The following RUFY1 variants were observed in gnomAD, a reference collection of about 807,000 sequenced individuals.
RUFY1 encodes the protein RUN and FYVE domain containing 1.
RUFY1 carries 54 observed loss-of-function variants against 94.6 expected under a neutral mutation model. That is an observed-to-expected ratio of 0.57 (90% CI 0.46 to 0.72). RUFY1 has a LOEUF of 0.72. Among genes scored for constraint, RUFY1 ranks in the 30% least tolerant of loss-of-function variants. The probability of loss-of-function intolerance (pLI) is 0.00; values close to 1 mark genes in which losing one functional copy is unlikely to be tolerated. For synonymous variants in RUFY1, 396 were observed against 347.3 expected (o/e 1.14, Z -1.56); for missense variants, 883 against 883.9 (o/e 1.00, Z 0.01).
chr5:179,569,469 A>G (rs1199974187), intron 5 of RUFY1, 44 bp downstream of exon 5: 15 of 1,602,856 alleles, frequency 9.4e-6, no homozygotes, highest in Non-Finnish European at 1.3e-5. Flanking sequence ...TCGTTAGTCC[A>G]GGGACTTTAC....
intron 15 of RUFY1, among the ~76,000 whole-genome samples, chr5:179,603,026 G>C (rs1220233182): frequency 6.6e-6 from 1 of 152,162 alleles, no homozygotes; most frequent in African/African-American, 2.4e-5. Context: ...TCAGCACTTT[G>C]GGAGACTGAG....
intron 15 of RUFY1, among the ~76,000 whole-genome samples, chr5:179,604,444 C>T (rs1229122475): frequency 6.6e-6 from 1 of 152,210 alleles, no homozygotes. Context: ...GTCTGTCCAT[C>T]TGCGCAGCCT....
At chr5:179,608,563 C>A in intron 17 of RUFY1, 1 of 985,510 alleles carries the variant, frequency 1.0e-6, no homozygotes. Flanking sequence ...GAACCAGACT[C>A]TTCCTGTAAC....
chr5:179,609,534 G>C lies in RUFY1; in HGVS notation c.*15G>C, dbSNP rs375012431. ...CGGCCTCCTGAACGTCCGTCCTCAG[G>C]AGCACAGCCTCACGGACAGTGCCAA... On this transcript the variant is annotated 3_prime_UTR_variant, in exon 18 of 18. Transcript: ENST00000319449. 1.3e-6 allele frequency: 2 copies of C among 1,589,484 alleles called. No homozygotes were observed. Among genetic ancestry groups the C allele is most frequent in the Non-Finnish European group, 8.5e-7 (1 of 1,172,538 alleles).
rs1764872540 is a variant in RUFY1, at chr5:179,589,593, G to A, written c.1074G>A (p.Gln358=). The change falls in exon 9 of 18, where the codon CAG becomes CAA. Residue 358 remains glutamine, a synonymous_variant. Coordinates refer to ENST00000319449, the MANE Select transcript of RUFY1 (RefSeq NM_025158.5). ...DRICSLQEEQ[Q]QLREQNELIR... is the part of the protein sequence containing the mutation. ...TTTGCTCACTTCAAGAAGAACAGCA[G>A]CAGTTAAGAGAACAAAATGAATTAA... 6 of 1,614,148 alleles carry A rather than the reference G, an allele frequency of 3.7e-6. 1 individual carries two copies. The East Asian group carries it at 1.3e-4, about 36-fold the overall frequency.
In RUFY1 at chr5:179,609,563, C is replaced by T. The variant is rs376031039; in HGVS notation, c.*44C>T. On this transcript the variant is annotated 3_prime_UTR_variant, in exon 18 of 18. Transcript: ENST00000319449. Reference sequence around the variant, plus strand: ...ACAGCCTCACGGACAGTGCCAAACCCTGTGGGTCTCCAGGGGCTTGGGAAA... The same window carrying T: ...ACAGCCTCACGGACAGTGCCAAACCTTGTGGGTCTCCAGGGGCTTGGGAAA... 6.6e-6 allele frequency: 10 copies of T among 1,522,096 alleles called. No individual in the cohort carries two copies. Among genetic ancestry groups the T allele is most frequent in the East Asian group, 2.4e-5 (1 of 40,992 alleles). The allele number at this position is 1,522,096 out of a possible 1,614,324, so 94.3% of individuals were successfully genotyped here. A position where few individuals can be genotyped will look rare whatever the true frequency, so the allele number is the denominator to read the frequency against.
chr5:179,580,303 C>G (rs1243325676), intron 6 of RUFY1, among the ~76,000 whole-genome samples: 15 of 147,582 alleles, frequency 1.0e-4, no homozygotes, highest in Non-Finnish European at 1.9e-4. Context: ...AGTGCAGTGG[C>G]GCCATCTCGG....
Position 179,550,705 on chromosome 5 carries a change from G to A in RUFY1, c.136G>A (p.Gly46Ser). The A allele has an allele frequency of 2.7e-6, 4 of 1,490,738 alleles. No individual in the cohort carries two copies. The Middle Eastern group carries it at 5.5e-4, about 205-fold the overall frequency. The allele number at this position is 1,490,738 out of a possible 1,614,324, so 92.3% of individuals were successfully genotyped here. The change falls in exon 1 of 18, where the codon GGC (glycine) becomes AGC (serine). Residue 46 changes from glycine (G) to serine (S), a missense_variant. By Grantham distance (56) the Gly-to-Ser change is moderately conservative (BLOSUM62 0). Coordinates refer to ENST00000319449, the MANE Select transcript of RUFY1 (RefSeq NM_025158.5). ...GATCGTGGACCGAAGCCAGCTGCCC[G>A]GCCCAGGCGACCTGCGGAGCGCAAC... ...FEIVDRSQLPGPGDLRSATRP... is the reference protein window; with the variant it reads ...FEIVDRSQLPSPGDLRSATRP...
chr5:179,579,721 TG>T (rs1309136648), intron 6 of RUFY1, among the ~76,000 whole-genome samples: 1 of 132,610 alleles, frequency 7.5e-6, no homozygotes, highest in African/African-American at 2.7e-5. Flanking sequence ...TGGAGTGCAG[TG>T]GCACAATCTT....
rs764059834 is a variant in RUFY1 at position 179,561,700 on chromosome 5, T to TTTTTG, written c.485-844_485-843insTGTTT. ...TTTCTTTTTTTTTTTTTTTTTTTTT[T>TTTTTG]TTTGAAGAGTCTCGCTCTGTCCCCC... On this transcript the variant is annotated intron_variant, in intron 2 of 17. Coordinates refer to ENST00000319449, the MANE Select transcript of RUFY1 (RefSeq NM_025158.5). Among the ~76,000 whole-genome samples, 304 of 95,660 alleles carry TTTTTG rather than the reference T, an allele frequency of 3.2e-3. 2 individuals are homozygous for TTTTTG. The highest frequency in any genetic ancestry group is 4.0e-3 in the Non-Finnish European group (193 of 48,030). The allele number at this position is 95,660 out of a possible 152,430, so 62.8% of individuals were successfully genotyped here. A position where few individuals can be genotyped will look rare whatever the true frequency, so the allele number is the denominator to read the frequency against.
chr5:179,571,559 T>C (rs1408325147), intron 5 of RUFY1, among the ~76,000 whole-genome samples: 2 of 152,060 alleles, frequency 1.3e-5, no homozygotes, highest in East Asian at 3.8e-4. Flanking sequence ...CTCTGTACTC[T>C]TGTCCGTGTA....
At position 179,598,783 on chromosome 5, in the gene RUFY1, C is replaced by A; in HGVS notation, c.1723C>A (p.Leu575Ile). ...LQHEKDTSSL[L>I]RMELQQVEGL... Reference sequence around the variant, plus strand: ...GCACGAGAAAGACACTTCCTCTCTACTCAGGATGGAGCTGCAACAAGTGGA... The same window carrying A: ...GCACGAGAAAGACACTTCCTCTCTAATCAGGATGGAGCTGCAACAAGTGGA... Residue 575 changes from leucine (L) to isoleucine (I), a missense_variant, in exon 14 of 18, where the codon CTC (leucine) becomes ATC (isoleucine). Transcript: ENST00000319449. 1 of 1,614,202 alleles carries A rather than the reference C, an allele frequency of 6.2e-7. No homozygotes were observed. The highest frequency in any genetic ancestry group is 8.5e-7 in the Non-Finnish European group (1 of 1,180,024).
intron 6 of RUFY1, among the ~76,000 whole-genome samples, chr5:179,577,939 T>C (rs1212027986): frequency 1.3e-5 from 2 of 152,108 alleles, no homozygotes; most frequent in African/African-American, 4.8e-5. Flanking sequence ...TGTTTAGTTA[T>C]TTTTAAATAC....
rs779656343 is a variant in RUFY1, at chr5:179,591,622, C to T, written c.1129-3C>T. 2 of 1,588,072 alleles carry T rather than the reference C, an allele frequency of 1.3e-6. No individual in the cohort carries two copies. The highest frequency in any genetic ancestry group is 1.7e-6 in the Non-Finnish European group (2 of 1,159,716). ...TTCCTCTTGGTGTCCTTGTTTGATA[C>T]AGATAACAAAACAGGATACCAAAGT... On this transcript the variant is annotated splice_polypyrimidine_tract_variant and splice_region_variant and intron_variant, in intron 9 of 17. Transcript: ENST00000319449.
chr5:179,559,426 G>C (rs1581421208), intron 1 of RUFY1, among the ~76,000 whole-genome samples: 1 of 152,224 alleles, frequency 6.6e-6, no homozygotes, highest in Non-Finnish European at 1.5e-5. Flanking sequence ...ACAAGAATTT[G>C]AGCCTGGAGC....
chr5:179,559,984 C>T (rs369936995), intron 1 of RUFY1, 41 bp from the exon 2 acceptor site: 80 of 1,592,080 alleles, frequency 5.0e-5, no homozygotes, highest in Non-Finnish European at 6.7e-5. Context: ...CCTCCCCACG[C>T]TCAGTCCACT....
Position 179,550,598 on chromosome 5 carries a change from C to T in RUFY1, c.29C>T (p.Ala10Val), listed in dbSNP as rs762942511. 22 of 1,312,654 alleles carry T rather than the reference C, an allele frequency of 1.7e-5. No homozygotes were observed. The highest frequency in any genetic ancestry group is 1.5e-4 in the African/African-American group (7 of 46,688). 81.3% of individuals were successfully genotyped at this position (1,312,654 alleles called of 1,614,324 possible). A position where few individuals can be genotyped will look rare whatever the true frequency, so the allele number is the denominator to read the frequency against. Residue 10 changes from alanine (A) to valine (V), a missense_variant, in exon 1 of 18, where the codon GCT becomes GTT. Coordinates refer to ENST00000319449, the MANE Select transcript of RUFY1 (RefSeq NM_025158.5). MADREGGCA[A>V]GRGRELEPEL... ...GCCGACCGGGAAGGCGGCTGCGCTGCTGGGCGGGGGCGGGAGCTGGAGCCG... is the reference window on the plus strand; with the variant it reads ...GCCGACCGGGAAGGCGGCTGCGCTGTTGGGCGGGGGCGGGAGCTGGAGCCG...
chr5:179,592,935 T>C (rs1423470115), intron 10 of RUFY1, among the ~76,000 whole-genome samples: 1 of 152,244 alleles, frequency 6.6e-6, no homozygotes, highest in East Asian at 1.9e-4. Context: ...AGGCTCATCC[T>C]GTTACTGACC....
intron 14 of RUFY1, among the ~76,000 whole-genome samples, 194 bp from the exon 15 acceptor site, chr5:179,601,698 A>C (rs539310590): frequency 2.4e-4 from 36 of 151,268 alleles, no homozygotes; most frequent in African/African-American, 8.5e-4. Flanking sequence ...GGGCACCTGT[A>C]GTCCCAGCTA....
Sources: allele counts gnomAD v4.1 joint callset (sites outside exome capture counted in the v4.1 genomes callset), GRCh38; gene constraint gnomAD v4.1.1; transcripts MANE v1.5; gene names NCBI Gene and HGNC (gene_info 2026-07-23, HGNC 2026-07-21).